The following MEAK7 variants were observed in gnomAD, a reference collection of about 807,000 sequenced individuals.
MEAK7 encodes MTOR-associated protein MEAK7.
MEAK7 carries 68 observed loss-of-function variants against 40.5 expected under a neutral mutation model. That is an observed-to-expected ratio of 1.68 (90% confidence interval 1.38 to 2.06). MEAK7 has a LOEUF of 2.06. Ranked by LOEUF, MEAK7 falls within the 30% of genes most tolerant of loss-of-function variation. The pLI is 0.00. For synonymous variants in MEAK7, 338 were observed against 231.9 expected (o/e 1.46, Z -4.16); for missense variants, 918 against 580.5 (o/e 1.58, Z -5.98).
rs749327206 is a variant in MEAK7 at position 84,486,817 on chromosome 16, G to A, written c.772C>T (p.Leu258=). The A allele has an allele frequency of 8.1e-6, 13 of 1,613,922 alleles. No individual in the cohort carries two copies. Among genetic ancestry groups the A allele is most frequent in the Non-Finnish European group, 5.9e-6 (7 of 1,179,910 alleles). ...CAGCGGTGCCGCTGCTCCCGAGGCA[G>A]CTGGGCGTTGATGTACATGACAGAG... The part of the protein sequence containing the change: ...VLSVMYINAQ[L]PREQRHRWCL... Residue 258 remains leucine (L), a synonymous_variant, in exon 5 of 8, where the codon CTG becomes TTG. Coordinates refer to ENST00000343629, the MANE Select transcript of MEAK7 (RefSeq NM_020947.4).
chr16:84,500,903 G>C (rs1020058573), intron 1 of MEAK7, among the ~76,000 whole-genome samples: 9 of 151,956 alleles, frequency 5.9e-5, no homozygotes, highest in Non-Finnish European at 8.8e-5. Context: ...AACTAGGTTG[G>C]CCAACGACAT....
In MEAK7 at chr16:84,495,707, G is replaced by A. The variant is rs376383983; in HGVS notation, c.360C>T (p.Pro120=). The A allele has an allele frequency of 2.2e-4, 357 of 1,614,068 alleles. No homozygotes were observed. Among genetic ancestry groups the A allele is most frequent in the Admixed American group, 7.7e-4 (46 of 60,010 alleles). The change falls in exon 3 of 8, where the codon CCC becomes CCT. Residue 120 remains proline (P), a synonymous_variant. Coordinates refer to ENST00000343629, the MANE Select transcript of MEAK7 (RefSeq NM_020947.4). ...IMKMISATEG[P]VKAREVQKFT... ...CCTTTTGGACTTCTCTGGCCTTCAC[G>A]GGACCTTCTGTGGCAGAAATCATTT...
chr16:84,502,531 G>C (rs1423571855), intron 1 of MEAK7, among the ~76,000 whole-genome samples: 2 of 152,228 alleles, frequency 1.3e-5, no homozygotes, highest in East Asian at 3.9e-4. Context: ...CAGCTTTGCA[G>C]AGAAGAGGCC....
chr16:84,487,429 C>T (rs1252974315), intron 4 of MEAK7: 3 of 181,588 alleles, frequency 1.7e-5, no homozygotes, highest in South Asian at 2.5e-4. Context: ...CTAAACAATC[C>T]GACTTCAACA....
At chr16:84,496,671 T>C (rs1914078681) in intron 2 of MEAK7, among the ~76,000 whole-genome samples, 1 of 152,264 alleles carries the variant, frequency 6.6e-6, no homozygotes, top group South Asian at 2.1e-4. Flanking sequence ...CAAATGCTCC[T>C]GCATCACCAG....
chr16:84,497,553 C>G (rs1039862719), intron 2 of MEAK7: 3 of 1,294,004 alleles, frequency 2.3e-6, no homozygotes, highest in South Asian at 2.5e-5. Flanking sequence ...AAGAGACACA[C>G]GAGGCAGGCT....
rs1597914846 is a variant in MEAK7, at chr16:84,479,606, C to T, written c.*307G>A. 1 of 243,368 alleles carries T rather than the reference C, an allele frequency of 4.1e-6. No individual in the cohort carries two copies. Among genetic ancestry groups the T allele is most frequent in the Admixed American group, 5.6e-5 (1 of 17,912 alleles). The allele number at this position is 243,368 out of a possible 1,614,324, so 15.1% of individuals were successfully genotyped here. A position where few individuals can be genotyped will look rare whatever the true frequency, so the allele number is the denominator to read the frequency against. On this transcript the variant is annotated 3_prime_UTR_variant, in exon 8 of 8. Coordinates refer to ENST00000343629, the MANE Select transcript of MEAK7 (RefSeq NM_020947.4). ...GAAAGGTCTCAGCTGCTTAGGATTT[C>T]GTTGGTAAAAAAGAACAAAGTATAA...
chr16:84,486,437 C>G (rs1018718931), intron 5 of MEAK7, 194 bp downstream of exon 5: 4 of 1,374,728 alleles, frequency 2.9e-6, no homozygotes, highest in Non-Finnish European at 3.7e-6. Context: ...GGGGGTCACA[C>G]GGCCTGTCCT....
chr16:84,490,654 ATGTGTGTGTGTG>A (rs35489449), intron 3 of MEAK7, among the ~76,000 whole-genome samples: 54 of 137,610 alleles, frequency 3.9e-4, no homozygotes, highest in African/African-American at 9.7e-4. Flanking sequence ...GCTAATCAAG[ATGTGTGTGTGTG>A]TGTGTGTGTG....
In MEAK7 at chr16:84,495,920, G is replaced by C. The variant is rs1466332558; in HGVS notation, c.154-7C>G. ...GAGCTTCCCCGACGTGGTTCTGCCG[G>C]GGACAAGCAGAAAAATATGGTTAGA... is the stretch of plus-strand genomic sequence containing the variant. On this transcript the variant is annotated splice_region_variant and splice_polypyrimidine_tract_variant and intron_variant, in intron 2 of 7. Coordinates refer to ENST00000343629, the MANE Select transcript of MEAK7 (RefSeq NM_020947.4). 8 of 1,613,476 alleles carry C rather than the reference G, an allele frequency of 5.0e-6. No individual in the cohort carries two copies. The African/African-American group carries it at 9.4e-5, about 19-fold the overall frequency.
chr16:84,484,921 C>G (rs1007063591), intron 5 of MEAK7, among the ~76,000 whole-genome samples: 6 of 152,182 alleles, frequency 3.9e-5, no homozygotes, highest in Non-Finnish European at 8.8e-5. Flanking sequence ...AAGATTAAGT[C>G]TGCTTGTTAA....
In MEAK7 at chr16:84,486,680, C is replaced by T; in HGVS notation, c.909G>A (p.Val303=). 3.7e-6 allele frequency: 6 copies of T among 1,613,964 alleles called. No individual in the cohort carries two copies. Among genetic ancestry groups the T allele is most frequent in the Non-Finnish European group, 5.1e-6 (6 of 1,179,936 alleles). The change falls in exon 5 of 8, where the codon GTG becomes GTA. Residue 303 remains valine, a synonymous_variant. Transcript: ENST00000343629. ...AAGAGCAAGAGGCAAACCCACCGAA[C>T]ACATGCTTGTCATGGTCCTCGAGGA... ...VAVLEDHDKH[V]FGGFASCSWE...
chr16:84,489,024 C>T (rs1314095775), intron 4 of MEAK7, among the ~76,000 whole-genome samples: 3 of 151,972 alleles, frequency 2.0e-5, no homozygotes, highest in African/African-American at 4.8e-5. Context: ...ATGTGAAAAC[C>T]CTTTAGCTAG....
At chr16:84,484,356 C>G (rs779783486) in intron 5 of MEAK7, among the ~76,000 whole-genome samples, 10 of 152,220 alleles carry the variant, frequency 6.6e-5, no homozygotes, top group Non-Finnish European at 1.3e-4. Context: ...GCACCTGACG[C>G]TCGGCCGCCG....
At position 84,480,691 on chromosome 16, in the gene MEAK7, G is replaced by C. The variant is rs372397429; in HGVS notation, c.1095C>G (p.His365Gln). The C allele has an allele frequency of 1.2e-6, 2 of 1,613,226 alleles. No homozygotes were observed. Among genetic ancestry groups the C allele is most frequent in the Admixed American group, 1.7e-5 (1 of 59,892 alleles). Reference protein sequence around the residue: ...IPNGLGMGGQHNYFGLWVDVD... With the variant: ...IPNGLGMGGQQNYFGLWVDVD... ...CATCCACCCAAAGCCCAAAGTAATT[G>C]TGCTGCCCCCCCATACCCTGCAAAG... The change falls in exon 7 of 8, where the codon CAC becomes CAG. Residue 365 changes from histidine to glutamine, a missense_variant. By Grantham distance (24) the His-to-Gln change is conservative (BLOSUM62 0). Transcript: ENST00000343629.
chr16:84,486,932 G>A lies in MEAK7; in HGVS notation c.657C>T (p.Leu219=), dbSNP rs772428480. ...FLSVVICKGF[L]ILCSSLDLTT... ...TCAGATCAAGAGACGAGCACAGGATGAGAAAGCCCTTGCAAATGACCACAC... is the reference window on the plus strand; with the variant it reads ...TCAGATCAAGAGACGAGCACAGGATAAGAAAGCCCTTGCAAATGACCACAC... The change falls in exon 5 of 8, where the codon CTC becomes CTT. Residue 219 remains leucine, a synonymous_variant. Coordinates refer to ENST00000343629, the MANE Select transcript of MEAK7 (RefSeq NM_020947.4). 3.8e-5 allele frequency: 61 copies of A among 1,613,986 alleles called. No homozygotes were observed. The highest frequency in any genetic ancestry group is 8.3e-5 in the Admixed American group (5 of 60,006).
rs956676730 is a variant in MEAK7, at chr16:84,489,329, G to A, written c.478C>T (p.Pro160Ser). 8.1e-6 allele frequency: 13 copies of A among 1,614,048 alleles called. No homozygotes were observed. Among genetic ancestry groups the A allele is most frequent in the African/African-American group, 2.7e-5 (2 of 74,918 alleles). The change falls in exon 4 of 8, where the codon CCC (proline) becomes TCC (serine). Residue 160 changes from proline (P) to serine (S), a missense_variant. Coordinates refer to ENST00000343629, the MANE Select transcript of MEAK7 (RefSeq NM_020947.4). ...WTGKEAPGPN[P>S]RVQVLAAQLL... ...TGAGCAGCCAGCACCTGCACCCGGG[G>A]GTTGGGCCCTGGGGCTTCCTTCCCA... is the stretch of plus-strand genomic sequence containing the variant.
intron 3 of MEAK7, among the ~76,000 whole-genome samples, chr16:84,494,302 C>G (rs1855791791): frequency 6.6e-6 from 1 of 152,126 alleles, no homozygotes. Context: ...AACCATAGTA[C>G]ACTGGTTATT....
chr16:84,484,042 C>T (rs1353307290), intron 5 of MEAK7, among the ~76,000 whole-genome samples: 1 of 152,184 alleles, frequency 6.6e-6, no homozygotes, highest in Non-Finnish European at 1.5e-5. Flanking sequence ...TCTGCACTGC[C>T]CCCGCCCCGC....
Sources: gnomAD v4.1 joint callset for allele counts (sites outside exome capture counted in the v4.1 genomes callset) on GRCh38, gnomAD v4.1.1 for gene constraint, MANE v1.5 for transcripts, NCBI Gene and HGNC (gene_info 2026-07-23, HGNC 2026-07-21) for gene names.